Variants in KRT1 observed in about 807,000 individuals in gnomAD.
KRT1 encodes keratin, type II cytoskeletal 1.
In KRT1, 28 loss-of-function variants were observed where a neutral mutation model predicts 51.6. The ratio of observed to expected loss-of-function variants is 0.54; its 90% CI spans 0.40 to 0.74. The LOEUF is 0.74. Among genes scored for constraint, KRT1 ranks in the 30% least tolerant of loss-of-function variants. The pLI is 0.00. For synonymous variants in KRT1, 301 were observed against 307.7 expected, an observed-to-expected ratio of 0.98 and a Z score of 0.23; for missense variants, 783 against 815.5, an observed-to-expected ratio of 0.96 and a Z score of 0.49.
At chr12:52,676,176 G>A (rs1941499491) in intron 7 of KRT1, 99 bp downstream of exon 7, 1 of 1,015,242 alleles carries the variant, frequency 9.8e-7, no homozygotes, top group Non-Finnish European at 1.5e-6. Flanking sequence ...CCCATACCCA[G>A]CACAAGCTGC....
rs749643681 is a variant in KRT1 at position 52,676,307 on chromosome 12, G to T, written c.1443C>A (p.Thr481=). The change falls in exon 7 of 9, where the codon ACC becomes ACA. Residue 481 remains threonine (T), a synonymous_variant. Transcript: ENST00000252244. ...TKLALDLEIA[T]YRTLLEGEES... ...CTTCTCCCTCCAGGAGGGTCCTGTA[G>T]GTGGCAATCTCCAGATCCAGGGCCA... 3.7e-5 allele frequency: 59 copies of T among 1,614,136 alleles called. No homozygotes were observed. In the South Asian group the frequency reaches 5.6e-4, roughly 15 times the overall value.
Position 52,675,710 on chromosome 12 carries a change from A to T in KRT1, c.1510T>A (p.Ser504Thr). The T allele has an allele frequency of 1.9e-6, 3 of 1,614,226 alleles. No homozygotes were observed. The highest frequency in any genetic ancestry group is 1.7e-6 in the Non-Finnish European group (2 of 1,180,048). The stretch of plus-strand genomic sequence containing the variant: ...CCCTGAGAAATCGACTTGTACTTAC[A>T]CACACTCACGTTCGGGGCACATTCT... ...SGECAPNVSV[S>T]VSTSHTTISG... The change falls in exon 8 of 9, where the codon TCT (serine) becomes ACT (threonine). Residue 504 changes from serine to threonine, a missense_variant and splice_region_variant. Physicochemically the swap from Ser to Thr is moderately conservative, Grantham distance 58. Transcript: ENST00000252244.
rs1246735664 is a variant in KRT1 at position 52,675,697 on chromosome 12, G to T, written c.1510+13C>A. 1 of 1,614,100 alleles carries T rather than the reference G, an allele frequency of 6.2e-7. No homozygotes were observed. Among genetic ancestry groups the T allele is most frequent in the Admixed American group, 1.7e-5 (1 of 60,016 alleles). On this transcript the variant is annotated intron_variant, in intron 8 of 8. Transcript: ENST00000252244. ...AGCCTGCACATGCCCCTGAGAAATC[G>T]ACTTGTACTTACACACACTCACGTT... is the stretch of plus-strand genomic sequence containing the variant.
chr12:52,680,232 A>G lies in KRT1; in HGVS notation c.117T>C (p.Ser39=), dbSNP rs749815868. ...TTGAAAATCTCCCACCACCTCCTCCACTGCGGCGTGTGGAGCTGCTGGTGG... is the reference window on the plus strand; with the variant it reads ...TTGAAAATCTCCCACCACCTCCTCCGCTGCGGCGTGTGGAGCTGCTGGTGG... ...RRTTSSSTRR[S]GGGGGRFSSC... is the part of the protein sequence containing the mutation. The change falls in exon 1 of 9, where the codon AGT becomes AGC. Residue 39 remains serine (S), a synonymous_variant. Coordinates refer to ENST00000252244, the MANE Select transcript of KRT1 (RefSeq NM_006121.4). 1.1e-4 allele frequency: 182 copies of G among 1,613,888 alleles called. No individual in the cohort carries two copies. The highest frequency in any genetic ancestry group is 1.5e-4 in the Non-Finnish European group (177 of 1,179,996).
In KRT1 at chr12:52,676,264, C is replaced by T; in HGVS notation, c.1475+11G>A. 6.2e-7 allele frequency: 1 copy of T among 1,609,252 alleles called. No individual in the cohort carries two copies. Among genetic ancestry groups the T allele is most frequent in the East Asian group, 2.2e-5 (1 of 44,858 alleles). On this transcript the variant is annotated intron_variant, in intron 7 of 8. Transcript: ENST00000252244. Reference sequence around the variant, plus strand: ...TGAGAAGAGGTTCGACTCCCAGCGTCCCTTCCTCACCTGCTTTCTTCTCCC... The same window carrying T: ...TGAGAAGAGGTTCGACTCCCAGCGTTCCTTCCTCACCTGCTTTCTTCTCCC...
Position 52,677,730 on chromosome 12 carries a change from A to G in KRT1, c.883T>C (p.Tyr295His). Residue 295 changes from tyrosine to histidine, a missense_variant, in exon 4 of 9, where the codon TAT (tyrosine) becomes CAT (histidine). Coordinates refer to ENST00000252244, the MANE Select transcript of KRT1 (RefSeq NM_006121.4). Reference sequence around the variant, plus strand: ...GCCTGAAGGTCCACCTTGGTCATATAAGCACCATCCACATCCTAGAGGAAC... The same window carrying G: ...GCCTGAAGGTCCACCTTGGTCATATGAGCACCATCCACATCCTAGAGGAAC... Reference protein sequence around the residue: ...VTIKKDVDGAYMTKVDLQAKL... With the variant: ...VTIKKDVDGAHMTKVDLQAKL... 1 of 1,614,086 alleles carries G rather than the reference A, an allele frequency of 6.2e-7. No individual in the cohort carries two copies. The highest frequency in any genetic ancestry group is 1.1e-5 in the South Asian group (1 of 91,064).
intron 2 of KRT1, 74 bp from the exon 3 acceptor site, chr12:52,678,297 G>A: frequency 1.4e-6 from 2 of 1,465,444 alleles, no homozygotes; most frequent in African/African-American, 2.8e-5. Flanking sequence ...AACTAAAGGT[G>A]GCATTGCCTA....
chr12:52,680,067 A>G lies in KRT1; in HGVS notation c.282T>C (p.Tyr94=), dbSNP rs376901079. The part of the protein sequence containing the change: ...GGRGSGFGGG[Y]GGGGFGGGGF... ...CACCACCACCAAAGCCACCACCACC[A>G]TAACCACCACCAAAGCCACTACCAC... The change falls in exon 1 of 9, where the codon TAT becomes TAC. Residue 94 remains tyrosine, a synonymous_variant. Coordinates refer to ENST00000252244, the MANE Select transcript of KRT1 (RefSeq NM_006121.4). The G allele has an allele frequency of 5.1e-6, 8 of 1,554,796 alleles. No homozygotes were observed. The African/African-American group carries it at 1.1e-4, about 21-fold the overall frequency.
In KRT1 at chr12:52,677,805, C is replaced by A. The variant is rs540130407; in HGVS notation, c.868-60G>T. The A allele has an allele frequency of 4.0e-5, 56 of 1,387,914 alleles. No individual in the cohort carries two copies. In the African/African-American group the frequency reaches 6.5e-4, roughly 16 times the overall value. The allele number at this position is 1,387,914 out of a possible 1,614,324, so 86.0% of individuals were successfully genotyped here. Reference sequence around the variant, plus strand: ...TCTCCAGGGCAGGTCCCTCTCATTACCTGTGAGGGGATTCTCCAAGCAAAA... The same window carrying A: ...TCTCCAGGGCAGGTCCCTCTCATTAACTGTGAGGGGATTCTCCAAGCAAAA... On this transcript the variant is annotated intron_variant, in intron 3 of 8. Coordinates refer to ENST00000252244, the MANE Select transcript of KRT1 (RefSeq NM_006121.4).
Position 52,678,226 on chromosome 12 carries a change from G to T in KRT1, c.807-3C>A. 1 of 1,613,884 alleles carries T rather than the reference G, an allele frequency of 6.2e-7. No individual in the cohort carries two copies. The highest frequency in any genetic ancestry group is 1.1e-5 in the South Asian group (1 of 91,068). ...GCTTGTTGATTTCATCCTCATACCT[G>T]CAGGAAAGCAGAAACAATTAGGAGA... On this transcript the variant is annotated splice_region_variant and splice_polypyrimidine_tract_variant and intron_variant, in intron 2 of 8. Coordinates refer to ENST00000252244, the MANE Select transcript of KRT1 (RefSeq NM_006121.4).
Position 52,675,573 on chromosome 12 carries a change from C to T in KRT1, c.1555G>A (p.Gly519Arg). The change falls in exon 9 of 9, where the codon GGA becomes AGA. Residue 519 changes from glycine to arginine, a missense_variant. By Grantham distance (125) the Gly-to-Arg change is moderately radical (BLOSUM62 -2). Transcript: ENST00000252244. ...HTTISGGGSR[G>R]GGGGGYGSGG... ...GAGCCGTAGCCACCGCCGCCACCTC[C>T]TCGGCTGCCACCTCCACTGATGGTG... 2.5e-6 allele frequency: 4 copies of T among 1,614,084 alleles called. No homozygotes were observed. Among genetic ancestry groups the T allele is most frequent in the Non-Finnish European group, 3.4e-6 (4 of 1,179,966 alleles).
intron 2 of KRT1, 110 bp from the exon 3 acceptor site, chr12:52,678,333 G>A (rs953061559): frequency 3.5e-6 from 4 of 1,138,996 alleles, no homozygotes; most frequent in Non-Finnish European, 5.2e-6. Flanking sequence ...TATGAACCTA[G>A]GACATATTGG....
intron 1 of KRT1, among the ~76,000 whole-genome samples, chr12:52,679,258 G>A (rs779406029): frequency 1.1e-4 from 17 of 152,206 alleles, no homozygotes; most frequent in Admixed American, 2.0e-4. Flanking sequence ...AAAAACTCTA[G>A]CCTCATCCAG....
At chr12:52,678,371 C>A in intron 2 of KRT1, 148 bp from the exon 3 acceptor site, 1 of 1,046,716 alleles carries the variant, frequency 9.6e-7, no homozygotes, top group Non-Finnish European at 1.5e-6. Context: ...GCAATAAAAC[C>A]ACTAGACTAT....
rs767422813 is a variant in KRT1 at position 52,678,217 on chromosome 12, C to T, written c.813G>A (p.Glu271=). Residue 271 remains glutamate (E), a synonymous_variant, in exon 3 of 9, where the codon GAG becomes GAA. Transcript: ENST00000252244. The part of the protein sequence containing the change: ...DMVEDYRNKY[E]DEINKRTNAE... ...CATTTGTCCGCTTGTTGATTTCATC[C>T]TCATACCTGCAGGAAAGCAGAAACA... The T allele has an allele frequency of 3.1e-6, 5 of 1,614,046 alleles. No homozygotes were observed. Among genetic ancestry groups the T allele is most frequent in the Non-Finnish European group, 4.2e-6 (5 of 1,180,016 alleles).
In KRT1 at chr12:52,677,139, T is replaced by C; in HGVS notation, c.1174A>G (p.Arg392Gly). 1 of 1,614,212 alleles carries C rather than the reference T, an allele frequency of 6.2e-7. No individual in the cohort carries two copies. The highest frequency in any genetic ancestry group is 8.5e-7 in the Non-Finnish European group (1 of 1,180,052). ...ITAGRHGDSV[R>G]NSKIEISELN... ...TCAGAAATTTCTATCTTTGAATTTC[T>C]CACACTATCCCCATGTCTGCCAGCA... Residue 392 changes from arginine (R) to glycine (G), a missense_variant, in exon 6 of 9, where the codon AGA becomes GGA. Transcript: ENST00000252244.
chr12:52,676,481 C>A lies in KRT1; in HGVS notation c.1269G>T (p.Gln423His). Residue 423 changes from glutamine to histidine, a missense_variant, in exon 7 of 9, where the codon CAG becomes CAT. Physicochemically the swap from Gln to His is conservative, Grantham distance 24. Transcript: ENST00000252244. ...GCTGCTCTGCATCACTGATGGACTG[C>A]TGCAAGTTGGAGATCTGAAAAAGAA... Reference protein sequence around the residue: ...DNVKKQISNLQQSISDAEQRG... With the variant: ...DNVKKQISNLHQSISDAEQRG... The A allele has an allele frequency of 6.2e-7, 1 of 1,614,174 alleles. No homozygotes were observed. Among genetic ancestry groups the A allele is most frequent in the Non-Finnish European group, 8.5e-7 (1 of 1,180,032 alleles).
Position 52,678,672 on chromosome 12 carries a change from T to C in KRT1, c.676A>G (p.Asn226Asp), listed in dbSNP as rs1377267078. Residue 226 changes from asparagine (N) to aspartate (D), a missense_variant, in exon 2 of 9, where the codon AAT becomes GAT. Coordinates refer to ENST00000252244, the MANE Select transcript of KRT1 (RefSeq NM_006121.4). ...AATGACTCAAAGTAGGGCTCTAAAT[T>C]ATGGGTTCTAGTGGAGGTATCTACC... ...QQVDTSTRTH[N>D]LEPYFESFIN... 6.2e-7 allele frequency: 1 copy of C among 1,614,116 alleles called. No individual in the cohort carries two copies. Among genetic ancestry groups the C allele is most frequent in the Non-Finnish European group, 8.5e-7 (1 of 1,180,048 alleles).
rs531102420 is a variant in KRT1, at chr12:52,675,285, C to T, written c.1843G>A (p.Gly615Ser). 6.2e-7 allele frequency: 1 copy of T among 1,613,528 alleles called. No homozygotes were observed. Among genetic ancestry groups the T allele is most frequent in the South Asian group, 1.1e-5 (1 of 91,002 alleles). ...GGGSSGGSIG[G>S]RGSSSGGVKS... ...ACACCCCCAGAGCTGGATCCCCGGC[C>T]TCCTATGGAGCCTCCAGAGCTCCCG... Residue 615 changes from glycine (G) to serine (S), a missense_variant, in exon 9 of 9, where the codon GGC (glycine) becomes AGC (serine). By Grantham distance (56) the Gly-to-Ser change is moderately conservative (BLOSUM62 0). Coordinates refer to ENST00000252244, the MANE Select transcript of KRT1 (RefSeq NM_006121.4).
Sources: allele counts gnomAD v4.1 joint callset (sites outside exome capture counted in the v4.1 genomes callset), GRCh38; gene constraint gnomAD v4.1.1; transcripts MANE v1.5; gene names NCBI Gene and HGNC (gene_info 2026-07-23, HGNC 2026-07-21).